Variants in CNTNAP4 observed in about 807,000 individuals in gnomAD.
CNTNAP4 encodes the protein contactin associated protein family member 4, also known as contactin-associated protein-like 4.
CNTNAP4 carries 98 observed loss-of-function variants against 148.4 expected under a neutral mutation model. The ratio of observed to expected loss-of-function variants is 0.66; its 90% CI spans 0.56 to 0.78. CNTNAP4 has a LOEUF of 0.78. CNTNAP4 is among the 30% of genes least tolerant of loss of function. The pLI is 0.00. For missense variants in CNTNAP4, 1,935 were observed against 1,565.6 expected (o/e 1.24, Z -3.98); for synonymous variants, 730 against 565.1 (o/e 1.29, Z -4.14).
rs112201933 is a variant in CNTNAP4, at chr16:76,479,373, G to C, written c.1763-46G>C. The C allele has an allele frequency of 1.2e-3, 1,748 of 1,492,746 alleles. 26 individuals carry two copies. The African/African-American group carries it at 0.022, about 19-fold the overall frequency. The allele number at this position is 1,492,746 out of a possible 1,614,324, so 92.5% of individuals were successfully genotyped here. The stretch of plus-strand genomic sequence containing the variant: ...TTCATGTCCAAATTAAAAGTTAAGA[G>C]ATTCATTTCATGCTATTCCATTAAT... On this transcript the variant is annotated intron_variant, in intron 11 of 23. Transcript: ENST00000611870.
At chr16:76,295,571 A>G (rs767630182) in intron 1 of CNTNAP4, among the ~76,000 whole-genome samples, 122 of 152,172 alleles carry the variant, frequency 8.0e-4, no homozygotes, top group Non-Finnish European at 1.3e-3. Flanking sequence ...AAAAGTAATA[A>G]GAGCTACAGA....
intron 12 of CNTNAP4, among the ~76,000 whole-genome samples, chr16:76,484,155 G>T (rs944937900): frequency 1.3e-5 from 2 of 150,224 alleles, no homozygotes; most frequent in Non-Finnish European, 3.0e-5. Context: ...AATTCTAAGA[G>T]ACCTGAAGAG....
In CNTNAP4 at chr16:76,522,867, A is replaced by G. The variant is rs1027107674; in HGVS notation, c.2755+610A>G. On this transcript the variant is annotated intron_variant, in intron 17 of 23. Transcript: ENST00000611870. ...AACCTCCGCCCCCAGGGTTCTAGCA[A>G]TTCTCCTACCTCAGCCTCCTGAGTA... is the stretch of plus-strand genomic sequence containing the variant. Among the ~76,000 whole-genome samples the G allele has an allele frequency of 1.9e-4, 28 of 151,084 alleles. No homozygotes were observed. The Admixed American group carries it at 1.9e-3, about 10-fold the overall frequency.
chr16:76,500,280 T>G (rs2082580913), intron 15 of CNTNAP4, among the ~76,000 whole-genome samples: 1 of 152,200 alleles, frequency 6.6e-6, no homozygotes, highest in Non-Finnish European at 1.5e-5. Context: ...GGCTGTATTG[T>G]GAACATTTTT....
chr16:76,342,548 C>G (rs1964563407), intron 2 of CNTNAP4, among the ~76,000 whole-genome samples: 1 of 139,974 alleles, frequency 7.1e-6, no homozygotes, highest in African/African-American at 2.8e-5. Context: ...TCTCGGCTCA[C>G]TGCAAGCTCC....
chr16:76,310,549 C>G (rs74024985), intron 1 of CNTNAP4, among the ~76,000 whole-genome samples: 1,951 of 152,200 alleles, frequency 0.013, 56 homozygotes, highest in African/African-American at 0.045. Context: ...CTGATGGGAA[C>G]GAGACTCCAA....
intron 1 of CNTNAP4, among the ~76,000 whole-genome samples, chr16:76,299,280 A>G (rs1959671451): frequency 6.6e-6 from 1 of 152,186 alleles, no homozygotes; most frequent in Non-Finnish European, 1.5e-5. Flanking sequence ...AGAATCTATA[A>G]TGAGCTCAAA....
chr16:76,556,026 C>G (rs142289185), intron 23 of CNTNAP4, among the ~76,000 whole-genome samples: 1,682 of 152,266 alleles, frequency 0.011, 43 homozygotes, highest in African/African-American at 0.038. Context: ...TGTTCATTGT[C>G]TAGTCACTCA....
chr16:76,347,788 G>C (rs148405138), intron 2 of CNTNAP4, among the ~76,000 whole-genome samples: 52 of 152,242 alleles, frequency 3.4e-4, no homozygotes, highest in African/African-American at 1.2e-3. Context: ...CATTGTAAAT[G>C]GAGGGCAGTG....
intron 3 of CNTNAP4, among the ~76,000 whole-genome samples, chr16:76,409,457 TCAAC>T (rs1226096225): frequency 7.2e-5 from 11 of 151,982 alleles, no homozygotes; most frequent in African/African-American, 2.2e-4. Context: ...AAAATGTTGA[TCAAC>T]CAATCTAAAC....
intron 9 of CNTNAP4, among the ~76,000 whole-genome samples, chr16:76,463,899 G>A (rs1228451475): frequency 1.3e-5 from 2 of 151,938 alleles, no homozygotes; most frequent in African/African-American, 2.4e-5. Context: ...CAACTTCAGG[G>A]CTTTCTTAAA....
chr16:76,316,467 C>A lies in CNTNAP4; in HGVS notation c.140C>A (p.Ser47Tyr), dbSNP rs753507256. 1 of 1,613,900 alleles carries A rather than the reference C, an allele frequency of 6.2e-7. No individual in the cohort carries two copies. The highest frequency in any genetic ancestry group is 8.5e-7 in the Non-Finnish European group (1 of 1,179,836). The change falls in exon 2 of 24, where the codon TCT (serine) becomes TAT (tyrosine). Residue 47 changes from serine (S) to tyrosine (Y), a missense_variant. Coordinates refer to ENST00000611870, the MANE Select transcript of CNTNAP4 (RefSeq NM_033401.5). Reference sequence around the variant, plus strand: ...TTGCCTCAGGCATCCTTCAGCAGTTCTTCCGAGCTCTCCAGCAGTCATGGT... The same window carrying A: ...TTGCCTCAGGCATCCTTCAGCAGTTATTCCGAGCTCTCCAGCAGTCATGGT... Reference protein sequence around the residue: ...SALPQASFSSSSELSSSHGPG... With the variant: ...SALPQASFSSYSELSSSHGPG...
intron 2 of CNTNAP4, among the ~76,000 whole-genome samples, chr16:76,341,764 G>A (rs1346111006): frequency 1.3e-5 from 2 of 152,168 alleles, no homozygotes; most frequent in Non-Finnish European, 2.9e-5. Flanking sequence ...GTAGCCACAA[G>A]CATGAGATGT....
chr16:76,445,692 G>GA (rs201808236), intron 4 of CNTNAP4, among the ~76,000 whole-genome samples: 275 of 150,148 alleles, frequency 1.8e-3, no homozygotes, highest in African/African-American at 6.0e-3. Flanking sequence ...CAGCGAAAAA[G>GA]AAAAAAAAAG....
intron 4 of CNTNAP4, chr16:76,432,575 T>C (rs1194085238): frequency 6.6e-6 from 1 of 152,040 alleles, no homozygotes; most frequent in Non-Finnish European, 1.5e-5. Context: ...AAATGTTTGA[T>C]GCTACAGAAA....
intron 10 of CNTNAP4, among the ~76,000 whole-genome samples, chr16:76,470,730 C>A (rs559566801): frequency 7.7e-5 from 11 of 143,082 alleles, no homozygotes; most frequent in Non-Finnish European, 1.3e-4. Flanking sequence ...TAAAATAATG[C>A]AGGTTTTTAA....
At chr16:76,294,938 T>G (rs1959197741) in intron 1 of CNTNAP4, among the ~76,000 whole-genome samples, 1 of 152,166 alleles carries the variant, frequency 6.6e-6, no homozygotes, top group Non-Finnish European at 1.5e-5. Context: ...AGGTTTTGCT[T>G]TTTTCTTAAG....
At chr16:76,525,493 A>G (rs2083681222) in intron 17 of CNTNAP4, among the ~76,000 whole-genome samples, 1 of 148,124 alleles carries the variant, frequency 6.8e-6, no homozygotes, top group Non-Finnish European at 1.5e-5. Flanking sequence ...ATATAACTAT[A>G]TATAGTTTTT....
chr16:76,402,485 T>A (rs746757490), intron 3 of CNTNAP4, among the ~76,000 whole-genome samples: 19 of 152,094 alleles, frequency 1.2e-4, no homozygotes, highest in Admixed American at 2.0e-4. Context: ...ATTTTTATTA[T>A]CTTACTAATT....
Sources: allele counts gnomAD v4.1 joint callset (sites outside exome capture counted in the v4.1 genomes callset), GRCh38; gene constraint gnomAD v4.1.1; transcripts MANE v1.5; gene names NCBI Gene and HGNC (gene_info 2026-07-23, HGNC 2026-07-21).